The following BAZ1A variants were observed in gnomAD, a reference collection of about 807,000 sequenced individuals.
The protein encoded by BAZ1A is bromodomain adjacent to zinc finger domain 1A, also known as bromodomain adjacent to zinc finger domain protein 1A.
A neutral mutation model predicts 185.2 loss-of-function variants in BAZ1A; 50 were observed. The ratio of observed to expected loss-of-function variants is 0.27; its 90% CI spans 0.22 to 0.34. The LOEUF is 0.34. BAZ1A is among the 10% of genes least tolerant of loss of function. The probability of loss-of-function intolerance (pLI) is 1.00; values close to 1 mark genes in which losing one functional copy is unlikely to be tolerated. For synonymous variants in BAZ1A, 571 were observed against 615.6 expected (o/e 0.93, Z 1.07); for missense variants, 1,356 against 1,839.9 (o/e 0.74, Z 4.81).
At chr14:34,866,138 T>C (rs2042855578) in intron 2 of BAZ1A, among the ~76,000 whole-genome samples, 1 of 151,658 alleles carries the variant, frequency 6.6e-6, no homozygotes, top group African/African-American at 2.4e-5. Context: ...CAGTGAGCTA[T>C]AATTACACCA....
chr14:34,806,640 G>A (rs1881869746), intron 6 of BAZ1A, among the ~76,000 whole-genome samples: 1 of 152,060 alleles, frequency 6.6e-6, no homozygotes, highest in Admixed American at 6.6e-5. Context: ...TTTATTTAGT[G>A]TGCAATGTGA....
Position 34,759,184 on chromosome 14 carries a change from T to TTTTTG in BAZ1A, c.4244-339_4244-338insCAAAA, listed in dbSNP as rs1555336969. ...TTTACAGCTACAGTTTTTTTTTTTT[T>TTTTTG]TTTTTTTTTTTTTTGAGATGGAGTC... On this transcript the variant is annotated intron_variant, in intron 24 of 26. Transcript: ENST00000360310. Among the ~76,000 whole-genome samples the TTTTTG allele has an allele frequency of 1.9e-5, 2 of 108,028 alleles. 1 individual carries two copies. Among genetic ancestry groups the TTTTTG allele is most frequent in the African/African-American group, 7.8e-5 (2 of 25,772 alleles). The allele number at this position is 108,028 out of a possible 152,430, so 70.9% of individuals were successfully genotyped here. A position where few individuals can be genotyped will look rare whatever the true frequency, so the allele number is the denominator to read the frequency against.
At chr14:34,771,245 C>T (rs750556669) in intron 21 of BAZ1A, 4 of 290,444 alleles carry the variant, frequency 1.4e-5, no homozygotes, top group Non-Finnish European at 2.5e-5. Flanking sequence ...CAAGCGATTC[C>T]ACCTCAGCCT....
At chr14:34,838,109 T>A (rs369074883) in intron 3 of BAZ1A, among the ~76,000 whole-genome samples, 13 of 152,072 alleles carry the variant, frequency 8.5e-5, no homozygotes, top group African/African-American at 3.1e-4. Flanking sequence ...TGTGGACCTA[T>A]CATACCAGCC....
intron 3 of BAZ1A, among the ~76,000 whole-genome samples, chr14:34,847,097 G>A (rs781067434): frequency 1.3e-5 from 2 of 151,926 alleles, no homozygotes; most frequent in African/African-American, 2.4e-5. Context: ...CTAAAAATAC[G>A]AAAATTGGCT....
rs2043006490 is a variant in BAZ1A at position 34,874,413 on chromosome 14, G to A, written c.113+79C>T. The stretch of plus-strand genomic sequence containing the variant: ...TCGCCCCGCCAGAAGCCCAGGGCGA[G>A]GAAAAGGAGAGAGACAAAAGAGCGC... On this transcript the variant is annotated intron_variant, in intron 2 of 26. Coordinates refer to ENST00000360310, the MANE Select transcript of BAZ1A (RefSeq NM_013448.3). This position sits in a 1 kb window ranked among gnomAD's most constrained non-coding sequence, Gnocchi z 4.7. 2.2e-6 allele frequency: 3 copies of A among 1,376,486 alleles called. No homozygotes were observed. The highest frequency in any genetic ancestry group is 3.6e-5 in the Admixed American group (2 of 56,174). The allele number at this position is 1,376,486 out of a possible 1,614,324, so 85.3% of individuals were successfully genotyped here. A position where few individuals can be genotyped will look rare whatever the true frequency, so the allele number is the denominator to read the frequency against.
intron 20 of BAZ1A, among the ~76,000 whole-genome samples, chr14:34,772,246 G>A (rs896535093): frequency 2.6e-5 from 4 of 152,170 alleles, no homozygotes; most frequent in East Asian, 1.9e-4. Flanking sequence ...CAGCCACTGC[G>A]CCTGGCCTAA....
chr14:34,864,116 C>G lies in BAZ1A; in HGVS notation c.114-1794G>C, dbSNP rs147262059. On this transcript the variant is annotated intron_variant, in intron 2 of 26. Transcript: ENST00000360310. ...AAGATTATAGGAATGAGCCACCAGA[C>G]CCAGCCTGTTTGAATTTTTATTTTT... Among the ~76,000 whole-genome samples, 48 of 152,122 alleles carry G rather than the reference C, an allele frequency of 3.2e-4. 2 individuals carry two copies. Among genetic ancestry groups the G allele is most frequent in the African/African-American group, 1.1e-3 (47 of 41,498 alleles).
Position 34,862,406 on chromosome 14 carries a change from G to T in BAZ1A, c.114-84C>A, listed in dbSNP as rs1019221516. On this transcript the variant is annotated intron_variant, in intron 2 of 26. Coordinates refer to ENST00000360310, the MANE Select transcript of BAZ1A (RefSeq NM_013448.3). ...CATTAAAAACTGATAGCATTATCAG[G>T]TTATTTTTGTGCCTTTAATGCAAAA... 31 of 1,464,274 alleles carry T rather than the reference G, an allele frequency of 2.1e-5. No individual in the cohort carries two copies. In the Admixed American group the frequency reaches 6.5e-4, roughly 31 times the overall value. The allele number at this position is 1,464,274 out of a possible 1,614,324, so 90.7% of individuals were successfully genotyped here. A position where few individuals can be genotyped will look rare whatever the true frequency, so the allele number is the denominator to read the frequency against.
Position 34,874,875 on chromosome 14 carries a change from T to G in BAZ1A, c.-58-213A>C. The G allele has an allele frequency of 6.9e-6, 2 of 288,334 alleles. No individual in the cohort carries two copies. Among genetic ancestry groups the G allele is most frequent in the Middle Eastern group, 1.1e-3 (1 of 950 alleles). The allele number at this position is 288,334 out of a possible 1,614,324, so 17.9% of individuals were successfully genotyped here. Reference sequence around the variant, plus strand: ...CCCCCCGAGCGCGCCCTACCTCCTCTCGTCCTGCCGCCGCCTCACAATGGG... The same window carrying G: ...CCCCCCGAGCGCGCCCTACCTCCTCGCGTCCTGCCGCCGCCTCACAATGGG... On this transcript the variant is annotated intron_variant, in intron 1 of 26. Transcript: ENST00000360310. This position sits in a 1 kb window ranked among gnomAD's most constrained non-coding sequence, Gnocchi z 4.7.
At chr14:34,845,586 C>T (rs1253907306) in intron 3 of BAZ1A, among the ~76,000 whole-genome samples, 1 of 151,972 alleles carries the variant, frequency 6.6e-6, no homozygotes, top group African/African-American at 2.4e-5. Context: ...CTTGGCTGGG[C>T]GCAGTGGCTC....
At chr14:34,830,878 C>A (rs943743649) in intron 3 of BAZ1A, among the ~76,000 whole-genome samples, 5 of 151,114 alleles carry the variant, frequency 3.3e-5, no homozygotes, top group African/African-American at 9.8e-5. Context: ...ACCTCAGCAT[C>A]CCAAGAAGCT....
At chr14:34,764,676 C>G (rs896720190) in intron 23 of BAZ1A, 31 bp downstream of exon 23, 4 of 1,565,566 alleles carry the variant, frequency 2.6e-6, no homozygotes, top group Non-Finnish European at 3.5e-6. Context: ...CTAAGACTTA[C>G]TGACTCATTT....
intron 2 of BAZ1A, among the ~76,000 whole-genome samples, chr14:34,864,196 T>C (rs2042816928): frequency 6.6e-6 from 1 of 152,032 alleles, no homozygotes; most frequent in African/African-American, 2.4e-5. Flanking sequence ...CAGGCTGGAG[T>C]GCAGTGGTAC....
intron 4 of BAZ1A, among the ~76,000 whole-genome samples, chr14:34,817,917 G>C (rs748215582): frequency 1.3e-5 from 2 of 152,166 alleles, no homozygotes; most frequent in South Asian, 4.1e-4. Context: ...CAGCTACTGG[G>C]AACAGCAGTT....
At chr14:34,806,131 A>C (rs1881843928) in intron 6 of BAZ1A, among the ~76,000 whole-genome samples, 1 of 151,948 alleles carries the variant, frequency 6.6e-6, no homozygotes, top group African/African-American at 2.4e-5. Context: ...TTTATTTATC[A>C]GTCTTGCCTC....
intron 2 of BAZ1A, among the ~76,000 whole-genome samples, chr14:34,870,120 G>A (rs148812363): frequency 1.3e-5 from 2 of 152,324 alleles, no homozygotes; most frequent in Non-Finnish European, 2.9e-5. Context: ...AAGTTTTGGG[G>A]TAGGTTGTTA....
intron 21 of BAZ1A, among the ~76,000 whole-genome samples, chr14:34,769,876 G>T (rs1879096979): frequency 6.6e-6 from 1 of 152,132 alleles, no homozygotes; most frequent in Non-Finnish European, 1.5e-5. Flanking sequence ...AAGAAATACT[G>T]AAGACTGGGA....
chr14:34,784,732 G>A lies in BAZ1A; in HGVS notation c.1832-805C>T, dbSNP rs528681761. Among the ~76,000 whole-genome samples, 35 of 151,898 alleles carry A rather than the reference G, an allele frequency of 2.3e-4. No homozygotes were observed. The East Asian group carries it at 2.5e-3, about 11-fold the overall frequency. On this transcript the variant is annotated intron_variant, in intron 14 of 26. Transcript: ENST00000360310. Reference sequence around the variant, plus strand: ...ACGGGGTTTCACTGTGTTAGCCAGGGTGGTCTCGATCTCCTGACCTTCTGA... The same window carrying A: ...ACGGGGTTTCACTGTGTTAGCCAGGATGGTCTCGATCTCCTGACCTTCTGA...
Sources: gnomAD v4.1 joint callset for allele counts (sites outside exome capture counted in the v4.1 genomes callset) on GRCh38, gnomAD v4.1.1 for gene constraint, Gnocchi (gnomAD v3.1) non-coding constraint, MANE v1.5 for transcripts, NCBI Gene and HGNC (gene_info 2026-07-23, HGNC 2026-07-21) for gene names.